The following PDSS2 variants were observed in gnomAD, a reference collection of about 807,000 sequenced individuals.
PDSS2 encodes all trans-polyprenyl-diphosphate synthase PDSS2.
Under a neutral mutation model 44.5 loss-of-function variants are expected in PDSS2, and 31 were observed. The observed-to-expected ratio is 0.70, with a 90% CI of 0.52 to 0.94. PDSS2 has a LOEUF of 0.94. PDSS2 is among the 40% of genes least tolerant of loss of function. The probability of loss-of-function intolerance (pLI) is 0.00; values close to 1 mark genes in which losing one functional copy is unlikely to be tolerated. For missense variants in PDSS2, 452 were observed against 482.2 expected (o/e 0.94, Z 0.59); for synonymous variants, 157 against 180.3 (o/e 0.87, Z 1.03).
chr6:107,300,556 A>G (rs921192416), intron 2 of PDSS2, among the ~76,000 whole-genome samples: 2 of 152,186 alleles, frequency 1.3e-5, no homozygotes, highest in Non-Finnish European at 1.5e-5. Context: ...AAAAGGGCTC[A>G]CTAAAATACC....
chr6:107,361,096 C>T (rs1582989378), intron 1 of PDSS2, among the ~76,000 whole-genome samples: 1 of 152,082 alleles, frequency 6.6e-6, no homozygotes, highest in African/African-American at 2.4e-5. Context: ...TTTGGAAAAC[C>T]TTCATTGTGA....
intron 7 of PDSS2, among the ~76,000 whole-genome samples, chr6:107,182,588 G>T (rs192091746): frequency 2.6e-4 from 39 of 152,296 alleles, no homozygotes; most frequent in Admixed American, 5.9e-4. Flanking sequence ...GTTTCCCAAA[G>T]TGCTGGGATT....
At chr6:107,324,209 C>G (rs1007196959) in intron 2 of PDSS2, among the ~76,000 whole-genome samples, 2 of 152,048 alleles carry the variant, frequency 1.3e-5, no homozygotes, top group African/African-American at 4.8e-5. Flanking sequence ...AGATTTGTAT[C>G]TGGAGTTTAC....
intron 3 of PDSS2, among the ~76,000 whole-genome samples, chr6:107,267,643 T>C (rs1383552219): frequency 6.7e-6 from 1 of 150,316 alleles, no homozygotes; most frequent in East Asian, 2.0e-4. Flanking sequence ...AGAGAAACAG[T>C]GGTGCATTCA....
chr6:107,211,437 A>G (rs541814770), intron 5 of PDSS2, among the ~76,000 whole-genome samples: 11 of 152,204 alleles, frequency 7.2e-5, no homozygotes, highest in Admixed American at 6.5e-4. Flanking sequence ...GTTTTATATA[A>G]AGAGCTATAA....
chr6:107,259,751 C>T (rs1390919762), intron 3 of PDSS2, among the ~76,000 whole-genome samples: 1 of 152,024 alleles, frequency 6.6e-6, no homozygotes, highest in Non-Finnish European at 1.5e-5. Context: ...CAGACTTCTA[C>T]TTTATGGTTC....
intron 2 of PDSS2, among the ~76,000 whole-genome samples, chr6:107,332,939 T>C (rs1325394209): frequency 6.6e-6 from 1 of 152,178 alleles, no homozygotes. Flanking sequence ...TTATATTGGC[T>C]GGAGGAATGG....
At chr6:107,232,628 T>G (rs1430119360) in intron 4 of PDSS2, among the ~76,000 whole-genome samples, 3 of 152,246 alleles carry the variant, frequency 2.0e-5, no homozygotes, top group Non-Finnish European at 2.9e-5. Flanking sequence ...CTCTTGTTCA[T>G]CTATTCATGT....
chr6:107,276,814 G>A (rs1004265072), intron 2 of PDSS2, among the ~76,000 whole-genome samples: 2 of 152,194 alleles, frequency 1.3e-5, no homozygotes, highest in African/African-American at 4.8e-5. Context: ...CTCTTTGAAT[G>A]CTAACCTGAG....
chr6:107,187,280 G>A (rs1466512052), intron 7 of PDSS2, among the ~76,000 whole-genome samples: 1 of 152,080 alleles, frequency 6.6e-6, no homozygotes, highest in African/African-American at 2.4e-5. Flanking sequence ...AGGAGGGGTG[G>A]GTTTCTATTT....
At chr6:107,245,719 CTGTGCT>C in intron 3 of PDSS2, 100 bp from the exon 4 acceptor site, 1 of 707,422 alleles carries the variant, frequency 1.4e-6, no homozygotes, top group African/African-American at 1.8e-5. Flanking sequence ...CAGAATTTTT[CTGTGCT>C]TGACAGAAAA....
At chr6:107,340,884 T>A (rs1778058378) in intron 1 of PDSS2, among the ~76,000 whole-genome samples, 1 of 152,090 alleles carries the variant, frequency 6.6e-6, no homozygotes, top group Non-Finnish European at 1.5e-5. Flanking sequence ...TTGGGCAATG[T>A]GTGAAGGTAA....
chr6:107,160,818 G>A (rs1321583584), intron 7 of PDSS2, among the ~76,000 whole-genome samples: 3 of 151,924 alleles, frequency 2.0e-5, no homozygotes, highest in Non-Finnish European at 4.4e-5. Context: ...TTGGCTCACT[G>A]CAACCTGTGC....
chr6:107,173,586 A>C (rs1224821453), intron 7 of PDSS2, among the ~76,000 whole-genome samples: 1 of 150,344 alleles, frequency 6.7e-6, no homozygotes, highest in South Asian at 2.1e-4. Flanking sequence ...AAAAAAAAAA[A>C]AAAAAAAAAA....
At chr6:107,241,536 C>T (rs370027231) in intron 4 of PDSS2, among the ~76,000 whole-genome samples, 1 of 151,602 alleles carries the variant, frequency 6.6e-6, no homozygotes. Flanking sequence ...TTAGTAGAGA[C>T]AGGGTTTCAC....
chr6:107,458,068 T>C (rs576024399), intron 1 of PDSS2, among the ~76,000 whole-genome samples: 9 of 152,330 alleles, frequency 5.9e-5, no homozygotes, highest in Non-Finnish European at 1.0e-4. Flanking sequence ...TAGACATATC[T>C]ACGTAGCAGG....
intron 1 of PDSS2, among the ~76,000 whole-genome samples, chr6:107,347,256 C>CTTTTTTTT (rs35184119): frequency 3.3e-5 from 3 of 90,000 alleles, no homozygotes; most frequent in African/African-American, 8.6e-5. Flanking sequence ...ATTATATCTT[C>CTTTTTTTT]TTTTTTTTTT....
At chr6:107,212,590 C>CCTTCTATATTGA (rs1773258350) in intron 4 of PDSS2, among the ~76,000 whole-genome samples, 1 of 152,188 alleles carries the variant, frequency 6.6e-6, no homozygotes, top group African/African-American at 2.4e-5. Context: ...AAACTAACTC[C>CCTTCTATATTGA]CTTCTATAGT....
At chr6:107,166,519 C>A (rs1771356246) in intron 7 of PDSS2, among the ~76,000 whole-genome samples, 1 of 152,074 alleles carries the variant, frequency 6.6e-6, no homozygotes, top group Non-Finnish European at 1.5e-5. Context: ...CGCCTGCCAC[C>A]ACGCCTGGCT....
Sources: gnomAD v4.1 joint callset for allele counts (sites outside exome capture counted in the v4.1 genomes callset) on GRCh38, gnomAD v4.1.1 for gene constraint, MANE v1.5 for transcripts, NCBI Gene and HGNC (gene_info 2026-07-23, HGNC 2026-07-21) for gene names.